The following SLAIN1 variants were observed in gnomAD, a reference collection of about 807,000 sequenced individuals.
SLAIN1 encodes SLAIN family member 1, also known as SLAIN motif-containing protein 1.
A neutral mutation model predicts 55.4 loss-of-function variants in SLAIN1; 17 were observed. The ratio of observed to expected loss-of-function variants is 0.31; its 90% confidence interval spans 0.21 to 0.46. The LOEUF is 0.46. Ranked by LOEUF, SLAIN1 falls within the 20% of genes least tolerant of loss-of-function variation. The pLI is 1.00. For synonymous variants in SLAIN1, 348 were observed against 337.4 expected (o/e 1.03, Z -0.35); for missense variants, 682 against 785.1 (o/e 0.87, Z 1.57).
chr13:77,733,603 A>G (rs1872976224), intron 2 of SLAIN1, among the ~76,000 whole-genome samples: 1 of 152,174 alleles, frequency 6.6e-6, no homozygotes, highest in Admixed American at 6.6e-5. Context: ...CTTGGGTATA[A>G]TGACTAACTT....
At chr13:77,710,569 C>T (rs1202975486) in intron 1 of SLAIN1, among the ~76,000 whole-genome samples, 1 of 152,164 alleles carries the variant, frequency 6.6e-6, no homozygotes, top group Non-Finnish European at 1.5e-5. Flanking sequence ...CCACCCAATA[C>T]AGGAGGACCC....
intron 2 of SLAIN1, among the ~76,000 whole-genome samples, chr13:77,721,838 C>T (rs1594265005): frequency 6.6e-6 from 1 of 150,514 alleles, no homozygotes; most frequent in East Asian, 1.9e-4. Context: ...CATTTCTTAG[C>T]TGGTGAATTA....
At chr13:77,712,380 AC>A (rs1297764014) in intron 1 of SLAIN1, among the ~76,000 whole-genome samples, 1 of 152,240 alleles carries the variant, frequency 6.6e-6, no homozygotes, top group Admixed American at 6.5e-5. Flanking sequence ...GTCTCAGGAT[AC>A]AAAATCAATG....
At chr13:77,753,944 G>C (rs1874419947) in intron 5 of SLAIN1, among the ~76,000 whole-genome samples, 1 of 152,148 alleles carries the variant, frequency 6.6e-6, no homozygotes, top group African/African-American at 2.4e-5. Flanking sequence ...GTTTTACCCA[G>C]CAGTGAGTGA....
chr13:77,702,258 G>A (rs2091038843), intron 1 of SLAIN1, among the ~76,000 whole-genome samples: 1 of 151,932 alleles, frequency 6.6e-6, no homozygotes, highest in Admixed American at 6.6e-5. Flanking sequence ...CTCTCATCCT[G>A]CTATACTGAT....
rs1182591158 is a variant in SLAIN1, at chr13:77,697,887, G to T, written c.-27G>T. 3.8e-5 allele frequency: 50 copies of T among 1,332,066 alleles called. No homozygotes were observed. Among genetic ancestry groups the T allele is most frequent in the Non-Finnish European group, 4.6e-5 (48 of 1,037,642 alleles). The allele number at this position is 1,332,066 out of a possible 1,614,324, so 82.5% of individuals were successfully genotyped here. On this transcript the variant is annotated 5_prime_UTR_variant, in exon 1 of 7. Transcript: ENST00000418532. ...CCGGCGCGGCGGCGCGCACTCCCCG[G>T]CGGCCGCGGCGCCCTCGGGGCCCAC...
chr13:77,761,722 A>T (rs920103715), intron 6 of SLAIN1, among the ~76,000 whole-genome samples: 2 of 152,156 alleles, frequency 1.3e-5, no homozygotes, highest in Non-Finnish European at 2.9e-5. Flanking sequence ...AGTATGGTCC[A>T]GGTAGTAATT....
chr13:77,755,341 AT>A (rs1380212519), intron 5 of SLAIN1, among the ~76,000 whole-genome samples: 1 of 151,742 alleles, frequency 6.6e-6, no homozygotes, highest in Non-Finnish European at 1.5e-5. Flanking sequence ...AAAAAAAAAA[AT>A]CAATAGTGTA....
intron 1 of SLAIN1, among the ~76,000 whole-genome samples, chr13:77,712,837 G>C (rs2091166523): frequency 6.6e-6 from 1 of 152,138 alleles, no homozygotes; most frequent in South Asian, 2.1e-4. Context: ...AACCAAAACA[G>C]CATGGTACTG....
rs67322128 is a variant in SLAIN1 at position 77,702,717 on chromosome 13, T to TA, written c.626+4178_626+4179insA. On this transcript the variant is annotated intron_variant, in intron 1 of 6. Transcript: ENST00000418532. ...TTCAGAAGTGTTTACATCACTGATA[T>TA]TTTTTTTTCCCCAGAGCTAGCTGTG... Among the ~76,000 whole-genome samples the TA allele has an allele frequency of 2.0e-3, 155 of 77,536 alleles. 1 individual carries two copies. The highest frequency in any genetic ancestry group is 0.018 in the East Asian group (57 of 3,126). 50.9% of individuals were successfully genotyped at this position (77,536 alleles called of 152,430 possible).
chr13:77,714,486 G>A (rs1420859457), intron 1 of SLAIN1, among the ~76,000 whole-genome samples: 4 of 152,108 alleles, frequency 2.6e-5, no homozygotes, highest in African/African-American at 7.2e-5. Context: ...GGTGGTGCAT[G>A]CCTATGATCC....
chr13:77,758,828 G>A (rs553230179), intron 5 of SLAIN1, among the ~76,000 whole-genome samples: 65 of 152,266 alleles, frequency 4.3e-4, no homozygotes, highest in Non-Finnish European at 9.0e-4. Context: ...GGTAACTATA[G>A]CCTTGTAGTA....
At chr13:77,707,793 T>C (rs1004548860) in intron 1 of SLAIN1, among the ~76,000 whole-genome samples, 4 of 152,220 alleles carry the variant, frequency 2.6e-5, no homozygotes, top group African/African-American at 9.6e-5. Context: ...TTCCATTTAA[T>C]GTTTGGTTAA....
intron 2 of SLAIN1, among the ~76,000 whole-genome samples, chr13:77,742,592 G>A (rs1000054768): frequency 2.4e-4 from 37 of 151,888 alleles, no homozygotes; most frequent in Non-Finnish European, 5.4e-4. Flanking sequence ...ATTACATATA[G>A]TTAATATTAA....
chr13:77,725,208 A>G (rs2091296694), intron 2 of SLAIN1, among the ~76,000 whole-genome samples: 1 of 152,218 alleles, frequency 6.6e-6, no homozygotes, highest in Admixed American at 6.5e-5. Context: ...CAGTTGAAGT[A>G]TCAGCTTGCA....
chr13:77,762,446 T>A (rs904854187), intron 6 of SLAIN1, among the ~76,000 whole-genome samples: 1 of 152,210 alleles, frequency 6.6e-6, no homozygotes. Flanking sequence ...AGGGTCTTGC[T>A]CTTTTGCCCA....
intron 1 of SLAIN1, among the ~76,000 whole-genome samples, chr13:77,715,792 A>G (rs2091200912): frequency 1.3e-5 from 2 of 152,086 alleles, no homozygotes; most frequent in Admixed American, 6.6e-5. Context: ...TGCTATTTGT[A>G]GTTTCTTGTT....
At chr13:77,747,527 T>C (rs1375054724) in intron 4 of SLAIN1, among the ~76,000 whole-genome samples, 2 of 152,098 alleles carry the variant, frequency 1.3e-5, no homozygotes, top group Non-Finnish European at 2.9e-5. Context: ...AGTCTGTGAG[T>C]TGTCATTCCT....
rs1427987816 is a variant in SLAIN1, at chr13:77,763,394, A to G, written c.*174A>G. 5.1e-6 allele frequency: 3 copies of G among 592,144 alleles called. No homozygotes were observed. Among genetic ancestry groups the G allele is most frequent in the Non-Finnish European group, 8.9e-6 (3 of 335,310 alleles). The allele number at this position is 592,144 out of a possible 1,614,324, so 36.7% of individuals were successfully genotyped here. On this transcript the variant is annotated 3_prime_UTR_variant, in exon 7 of 7. Coordinates refer to ENST00000418532, the MANE Select transcript of SLAIN1 (RefSeq NM_001242868.2). ...CAGAGACTAATTATTGCACTTAAAT[A>G]TTTGCCTGAGATACTGCAACATTCT...
Sources: allele counts gnomAD v4.1 joint callset (sites outside exome capture counted in the v4.1 genomes callset), GRCh38; gene constraint gnomAD v4.1.1; transcripts MANE v1.5; gene names NCBI Gene and HGNC (gene_info 2026-07-23, HGNC 2026-07-21).